CNTN6: variants seen among roughly 807,000 people sequenced by gnomAD.
CNTN6 encodes the protein contactin-6.
CNTN6 carries 137 observed loss-of-function variants against 122.8 expected under a neutral mutation model. The observed-to-expected ratio is 1.12, with a 90% CI of 0.97 to 1.29. The LOEUF (loss-of-function observed/expected upper bound fraction) is 1.29, where lower values mean the gene tolerates loss of function less well. Ranked by LOEUF, CNTN6 falls within the 50% of genes most tolerant of loss-of-function variation. The pLI is 0.00. For synonymous variants in CNTN6, 570 were observed against 426.0 expected (o/e 1.34, Z -4.16); for missense variants, 1,634 against 1,223.4 (o/e 1.34, Z -5.01).
At chr3:1,151,435 A>G (rs1460406535) in intron 2 of CNTN6, among the ~76,000 whole-genome samples, 1 of 151,208 alleles carries the variant, frequency 6.6e-6, no homozygotes, top group East Asian at 1.9e-4. Flanking sequence ...TAGAAATAGA[A>G]TTGTAATAAC....
chr3:1,346,965 C>T lies in CNTN6; in HGVS notation c.1365-5359C>T, dbSNP rs920300647. On this transcript the variant is annotated intron_variant, in intron 11 of 22. Transcript: ENST00000446702. ...TTGTTTTCTGTGTAGGACTACCTAC[C>T]TTCCCTGACAGTGGGAAGATTAAAA... Among the ~76,000 whole-genome samples, 8 of 152,228 alleles carry T rather than the reference C, an allele frequency of 5.3e-5. No individual in the cohort carries two copies. The East Asian group carries it at 7.8e-4, about 15-fold the overall frequency.
chr3:1,382,743 A>G (rs1170678866), intron 17 of CNTN6, among the ~76,000 whole-genome samples, 199 bp from the exon 18 acceptor site: 2 of 152,182 alleles, frequency 1.3e-5, no homozygotes, highest in Non-Finnish European at 2.9e-5. Context: ...GAAAACTTAA[A>G]CTATTTATCT....
At chr3:1,212,396 T>G (rs1222661890) in intron 2 of CNTN6, among the ~76,000 whole-genome samples, 2 of 151,702 alleles carry the variant, frequency 1.3e-5, no homozygotes, top group Non-Finnish European at 2.9e-5. Flanking sequence ...AGAGTACCAT[T>G]ATAATCATTG....
At chr3:1,175,145 T>C (rs2093424688) in intron 2 of CNTN6, among the ~76,000 whole-genome samples, 1 of 144,496 alleles carries the variant, frequency 6.9e-6, no homozygotes, top group African/African-American at 2.5e-5. Flanking sequence ...GGAAGGAGGA[T>C]TGCTTGAGGG....
intron 1 of CNTN6, among the ~76,000 whole-genome samples, chr3:1,104,600 T>TAACC (rs2091126928): frequency 6.6e-6 from 1 of 152,150 alleles, no homozygotes; most frequent in Non-Finnish European, 1.5e-5. Context: ...GGAAAATTAA[T>TAACC]AACCAACAGA....
intron 18 of CNTN6, 41 bp from the exon 19 acceptor site, chr3:1,383,252 C>A (rs1307530797): frequency 1.3e-6 from 2 of 1,597,990 alleles, no homozygotes; most frequent in African/African-American, 2.7e-5. Context: ...TTTCAATGAA[C>A]CACTCTGCTA....
At chr3:1,253,188 C>T (rs1408942886) in intron 4 of CNTN6, among the ~76,000 whole-genome samples, 1 of 152,182 alleles carries the variant, frequency 6.6e-6, no homozygotes, top group Non-Finnish European at 1.5e-5. Context: ...TCATTAGCTT[C>T]AGTCCTTGTA....
At chr3:1,385,201 T>C (rs1426285243) in intron 19 of CNTN6, among the ~76,000 whole-genome samples, 1 of 152,136 alleles carries the variant, frequency 6.6e-6, no homozygotes, top group Non-Finnish European at 1.5e-5. Flanking sequence ...AATTGAATTA[T>C]TAATTAACCT....
At chr3:1,362,337 A>G (rs954877740) in intron 12 of CNTN6, among the ~76,000 whole-genome samples, 16 of 152,250 alleles carry the variant, frequency 1.1e-4, no homozygotes, top group African/African-American at 3.8e-4. Flanking sequence ...AAAAAAACAG[A>G]TAATAGTAAC....
At chr3:1,327,744 A>G (rs265774) in intron 10 of CNTN6, among the ~76,000 whole-genome samples, 158 bp downstream of exon 10, 14,078 of 151,880 alleles carry the variant, frequency 0.093, 715 homozygotes, top group Non-Finnish European at 0.11. Flanking sequence ...TCAAGGTGGT[A>G]ATTATTATTC....
At chr3:1,393,685 C>A (rs1384356465) in intron 20 of CNTN6, among the ~76,000 whole-genome samples, 1 of 149,814 alleles carries the variant, frequency 6.7e-6, no homozygotes, top group Non-Finnish European at 1.5e-5. Context: ...GGTAGACTGA[C>A]AGACATTTTA....
chr3:1,193,693 T>G lies in CNTN6; in HGVS notation c.56-26994T>G, dbSNP rs1028954098. Reference sequence around the variant, plus strand: ...TATGTTCCAATGTAGTTTCATTTGTTTTATAAAATACAGTCCACTACAGGT... The same window carrying G: ...TATGTTCCAATGTAGTTTCATTTGTGTTATAAAATACAGTCCACTACAGGT... On this transcript the variant is annotated intron_variant, in intron 2 of 22. Transcript: ENST00000446702. 2.6e-5 allele frequency among the ~76,000 whole-genome samples: 4 copies of G among 152,262 alleles called. No individual in the cohort carries two copies. In the South Asian group the frequency reaches 8.3e-4, roughly 32 times the overall value.
intron 5 of CNTN6, among the ~76,000 whole-genome samples, chr3:1,285,617 C>G (rs73111155): frequency 0.092 from 13,992 of 152,160 alleles, 2,194 homozygotes; most frequent in African/African-American, 0.32. Context: ...GAAGATATCT[C>G]AATTTTACAA....
At chr3:1,171,389 T>C (rs2093355112) in intron 2 of CNTN6, among the ~76,000 whole-genome samples, 1 of 152,228 alleles carries the variant, frequency 6.6e-6, no homozygotes, top group South Asian at 2.1e-4. Flanking sequence ...ATGTCCTATT[T>C]GTAAACCAGA....
intron 11 of CNTN6, among the ~76,000 whole-genome samples, chr3:1,345,847 CAATT>C (rs1302626000): frequency 5.3e-5 from 8 of 152,114 alleles, no homozygotes; most frequent in African/African-American, 1.7e-4. Context: ...ATTAGAGAAT[CAATT>C]AAAATTTCAT....
intron 20 of CNTN6, among the ~76,000 whole-genome samples, chr3:1,386,935 G>T (rs1306489225): frequency 2.0e-5 from 3 of 151,830 alleles, no homozygotes; most frequent in African/African-American, 7.2e-5. Context: ...ATGTCCAAAA[G>T]AAGTTAGTTA....
At chr3:1,397,718 G>C (rs1695158032) in intron 20 of CNTN6, among the ~76,000 whole-genome samples, 1 of 152,088 alleles carries the variant, frequency 6.6e-6, no homozygotes, top group Non-Finnish European at 1.5e-5. Flanking sequence ...GCTCAATTTG[G>C]CCCTTGACGT....
chr3:1,400,670 C>A (rs930047652), intron 20 of CNTN6, among the ~76,000 whole-genome samples: 3 of 152,064 alleles, frequency 2.0e-5, no homozygotes, highest in Non-Finnish European at 4.4e-5. Context: ...AGACATACGA[C>A]CAAATGAAGT....
intron 10 of CNTN6, among the ~76,000 whole-genome samples, chr3:1,329,437 C>T (rs1701987771): frequency 6.6e-6 from 1 of 151,614 alleles, no homozygotes; most frequent in Non-Finnish European, 1.5e-5. Context: ...TCCTCTCTAC[C>T]ACTTGCTTTT....
Sources: gnomAD v4.1 joint callset for allele counts (sites outside exome capture counted in the v4.1 genomes callset) on GRCh38, gnomAD v4.1.1 for gene constraint, MANE v1.5 for transcripts, NCBI Gene and HGNC (gene_info 2026-07-23, HGNC 2026-07-21) for gene names.